The following MSRA variants were observed in gnomAD, a reference collection of about 807,000 sequenced individuals.
The protein encoded by MSRA is mitochondrial peptide methionine sulfoxide reductase.
MSRA carries 54 observed loss-of-function variants against 31.3 expected under a neutral mutation model. The observed-to-expected ratio is 1.73, with a 90% CI of 1.39 to 2.17. MSRA has a LOEUF of 2.17. Among genes scored for constraint, MSRA ranks in the 30% most tolerant of loss-of-function variants. The pLI is 0.00. For missense variants in MSRA, 507 were observed against 300.9 expected, an observed-to-expected ratio of 1.69 and a Z score of -5.07; for synonymous variants, 169 against 116.5, an observed-to-expected ratio of 1.45 and a Z score of -2.90.
chr8:10,253,477 G>A (rs75669079), intron 3 of MSRA, among the ~76,000 whole-genome samples: 12 of 152,224 alleles, frequency 7.9e-5, no homozygotes, highest in Non-Finnish European at 8.8e-5. Flanking sequence ...AATTTTGGTG[G>A]TAAAATTCAA....
intron 3 of MSRA, among the ~76,000 whole-genome samples, chr8:10,298,865 A>T (rs974450261): frequency 1.3e-5 from 2 of 152,128 alleles, no homozygotes; most frequent in Non-Finnish European, 2.9e-5. Context: ...TTTTTTGTGC[A>T]TGTATATATC....
intron 5 of MSRA, among the ~76,000 whole-genome samples, chr8:10,384,010 G>C (rs551926131): frequency 6.6e-6 from 1 of 152,280 alleles, no homozygotes; most frequent in East Asian, 1.9e-4. Context: ...GCAGAGCTGA[G>C]AGTCACCCCG....
At chr8:10,055,766 C>G (rs1306211270) in intron 1 of MSRA, among the ~76,000 whole-genome samples, 1 of 152,134 alleles carries the variant, frequency 6.6e-6, no homozygotes, top group Non-Finnish European at 1.5e-5. Context: ...AGGAGGAGGT[C>G]ATATTGAGAG....
rs534488594 is a variant in MSRA, at chr8:10,316,560, C to T, written c.437-3323C>T. ...TCTCTCTCTCTCTCTCTCTCTCTCT[C>T]TCTCTCTCTCTCTCCTTCCTCCTCC... On this transcript the variant is annotated intron_variant, in intron 4 of 5. Transcript: ENST00000317173. Among the ~76,000 whole-genome samples the T allele has an allele frequency of 2.7e-4, 29 of 108,646 alleles. 1 individual carries two copies. The South Asian group carries it at 7.1e-3, about 27-fold the overall frequency. 71.3% of individuals were successfully genotyped at this position (108,646 alleles called of 152,430 possible). A position where few individuals can be genotyped will look rare whatever the true frequency, so the allele number is the denominator to read the frequency against.
At chr8:10,392,078 C>A (rs747157001) in intron 5 of MSRA, among the ~76,000 whole-genome samples, 1 of 152,292 alleles carries the variant, frequency 6.6e-6, no homozygotes. Context: ...CAGCCTCCCC[C>A]ACTGGCTTCT....
chr8:10,324,720 T>C (rs1802262643), intron 5 of MSRA, among the ~76,000 whole-genome samples: 1 of 152,086 alleles, frequency 6.6e-6, no homozygotes, highest in African/African-American at 2.4e-5. Context: ...GATGTGTGGT[T>C]CCAGGGAGCA....
chr8:10,107,113 A>T (rs1250276610), intron 1 of MSRA, among the ~76,000 whole-genome samples: 1 of 152,160 alleles, frequency 6.6e-6, no homozygotes, highest in Non-Finnish European at 1.5e-5. Context: ...AGGACTACAG[A>T]TCAGTAAATG....
intron 1 of MSRA, among the ~76,000 whole-genome samples, chr8:10,068,714 G>A (rs571260361): frequency 8.5e-5 from 13 of 152,220 alleles, no homozygotes; most frequent in South Asian, 2.1e-4. Flanking sequence ...GAGTAGCATC[G>A]GTTCTCTGAC....
At chr8:10,176,898 T>G (rs775214777) in intron 1 of MSRA, among the ~76,000 whole-genome samples, 27 of 152,208 alleles carry the variant, frequency 1.8e-4, no homozygotes, top group Non-Finnish European at 3.2e-4. Context: ...TCTTCTTGTC[T>G]GGGAAATGGC....
chr8:10,366,811 A>T (rs907564939), intron 5 of MSRA, among the ~76,000 whole-genome samples: 9 of 152,090 alleles, frequency 5.9e-5, no homozygotes, highest in African/African-American at 2.2e-4. Context: ...GAATCAGTAA[A>T]TTGCTGAGAT....
chr8:10,126,106 C>G (rs1801478222), intron 1 of MSRA, among the ~76,000 whole-genome samples: 1 of 152,024 alleles, frequency 6.6e-6, no homozygotes. Context: ...GAGGACTATC[C>G]CCTGGGTAAA....
intron 1 of MSRA, among the ~76,000 whole-genome samples, chr8:10,103,204 A>G (rs1004638684): frequency 6.6e-6 from 1 of 152,176 alleles, no homozygotes; most frequent in African/African-American, 2.4e-5. Flanking sequence ...GACTTTTGCA[A>G]CTTATTTTTA....
intron 1 of MSRA, among the ~76,000 whole-genome samples, chr8:10,164,082 G>T (rs763385400): frequency 5.3e-5 from 8 of 152,170 alleles, no homozygotes; most frequent in Admixed American, 1.3e-4. Flanking sequence ...CTGTTCTCCT[G>T]TTAATCTGTC....
chr8:10,184,655 C>A (rs368635388), intron 1 of MSRA, among the ~76,000 whole-genome samples: 1 of 152,132 alleles, frequency 6.6e-6, no homozygotes, highest in Non-Finnish European at 1.5e-5. Flanking sequence ...CAGCTTGCCT[C>A]GTCCATCTCC....
At chr8:10,386,621 C>T (rs950539788) in intron 5 of MSRA, among the ~76,000 whole-genome samples, 2 of 152,098 alleles carry the variant, frequency 1.3e-5, no homozygotes, top group Non-Finnish European at 2.9e-5. Context: ...TGGGCCTTAC[C>T]TGGAGCTTCT....
At chr8:10,391,538 C>T (rs1476275150) in intron 5 of MSRA, among the ~76,000 whole-genome samples, 2 of 152,202 alleles carry the variant, frequency 1.3e-5, no homozygotes, top group Non-Finnish European at 2.9e-5. Context: ...TAACTGTGGG[C>T]ATTTTACTAC....
At chr8:10,185,744 A>T (rs1316646377) in intron 1 of MSRA, among the ~76,000 whole-genome samples, 1 of 152,018 alleles carries the variant, frequency 6.6e-6, no homozygotes, top group Non-Finnish European at 1.5e-5. Flanking sequence ...CTGACCATTC[A>T]CTCAGTCCTC....
intron 5 of MSRA, among the ~76,000 whole-genome samples, chr8:10,394,470 A>T (rs1437227641): frequency 6.6e-6 from 1 of 152,260 alleles, no homozygotes; most frequent in East Asian, 1.9e-4. Flanking sequence ...AAATAATTGC[A>T]CACGTTTTCT....
chr8:10,239,518 A>G (rs1426686336), intron 2 of MSRA, among the ~76,000 whole-genome samples: 1 of 152,240 alleles, frequency 6.6e-6, no homozygotes, highest in Admixed American at 6.5e-5. Flanking sequence ...GTAACACCAA[A>G]TGCTTGCAAG....
Sources: allele counts gnomAD v4.1 joint callset (sites outside exome capture counted in the v4.1 genomes callset), GRCh38; gene constraint gnomAD v4.1.1; transcripts MANE v1.5; gene names NCBI Gene and HGNC (gene_info 2026-07-23, HGNC 2026-07-21).